SECISBP2: variants seen among roughly 807,000 people sequenced by gnomAD.
SECISBP2 encodes the protein selenocysteine insertion sequence-binding protein 2.
A neutral mutation model predicts 98.2 loss-of-function variants in SECISBP2; 96 were observed. That is an observed-to-expected ratio of 0.98 (90% CI 0.83 to 1.16). SECISBP2 has a LOEUF of 1.16. SECISBP2 is among the 50% of genes most tolerant of loss of function. SECISBP2 has a pLI of 0.00. For missense variants in SECISBP2, 1,046 were observed against 1,022.9 expected, an observed-to-expected ratio of 1.02 and a Z score of -0.31; for synonymous variants, 407 against 370.2, an observed-to-expected ratio of 1.10 and a Z score of -1.14.
intron 7 of SECISBP2, among the ~76,000 whole-genome samples, chr9:89,336,318 G>T (rs1319433519): frequency 2.6e-5 from 4 of 151,446 alleles, no homozygotes; most frequent in African/African-American, 9.7e-5. Flanking sequence ...TTACAGGCGT[G>T]AGCCACCACA....
chr9:89,354,929 A>G, intron 14 of SECISBP2: 1 of 984,986 alleles, frequency 1.0e-6, no homozygotes, highest in Non-Finnish European at 1.2e-6. Flanking sequence ...AATACGGAAC[A>G]CTCCACCCCA....
In SECISBP2 at chr9:89,348,152, A is replaced by G; in HGVS notation, c.1676A>G (p.Asp559Gly). ...ENAVSPAFTS[D>G]DTQDGESGGD... Reference sequence around the variant, plus strand: ...GCTGTGAGTCCAGCTTTTACCAGTGATGACACACAAGATGGAGAGAGTGGT... The same window carrying G: ...GCTGTGAGTCCAGCTTTTACCAGTGGTGACACACAAGATGGAGAGAGTGGT... Residue 559 changes from aspartate to glycine, a missense_variant, in exon 12 of 17, where the codon GAT becomes GGT. Transcript: ENST00000375807. 1 of 1,614,178 alleles carries G rather than the reference A, an allele frequency of 6.2e-7. No homozygotes were observed. The highest frequency in any genetic ancestry group is 8.5e-7 in the Non-Finnish European group (1 of 1,179,978).
chr9:89,337,288 A>G (rs1304079571), intron 7 of SECISBP2, among the ~76,000 whole-genome samples: 1 of 152,256 alleles, frequency 6.6e-6, no homozygotes, highest in Non-Finnish European at 1.5e-5. Flanking sequence ...TTCTAACCCA[A>G]ATAGCTTTGC....
intron 2 of SECISBP2, chr9:89,324,049 A>T (rs1026829066): frequency 1.3e-5 from 2 of 152,116 alleles, no homozygotes; most frequent in Non-Finnish European, 2.9e-5. Flanking sequence ...TTATCTATTT[A>T]TTGGACTTGG....
Position 89,350,815 on chromosome 9 carries a change from C to T in SECISBP2, c.2076C>T (p.Val692=), listed in dbSNP as rs1831165295. ...KHLKLKKLKC[V]IISPNCEKIQ... is the part of the protein sequence containing the mutation. ...TGAAGCTCAAAAAACTGAAATGTGT[C>T]ATTATTTCTCCCAACTGTGAGAAGA... is the stretch of plus-strand genomic sequence containing the variant. The change falls in exon 14 of 17, where the codon GTC becomes GTT. Residue 692 remains valine, a synonymous_variant. Transcript: ENST00000375807. 2 of 1,614,068 alleles carry T rather than the reference C, an allele frequency of 1.2e-6. No individual in the cohort carries two copies. Among genetic ancestry groups the T allele is most frequent in the African/African-American group, 1.3e-5 (1 of 74,942 alleles).
At chr9:89,343,824 T>C (rs1041206203) in intron 10 of SECISBP2, among the ~76,000 whole-genome samples, 2 of 152,258 alleles carry the variant, frequency 1.3e-5, no homozygotes, top group African/African-American at 2.4e-5. Flanking sequence ...GTCTTTATAG[T>C]AGAATGATTT....
chr9:89,330,754 G>T (rs1176061783), intron 5 of SECISBP2, among the ~76,000 whole-genome samples: 6 of 152,204 alleles, frequency 3.9e-5, no homozygotes, highest in Admixed American at 6.5e-5. Context: ...TTTGTGCGGT[G>T]GCTGAATAGC....
intron 2 of SECISBP2, among the ~76,000 whole-genome samples, chr9:89,320,456 A>G (rs1451991680): frequency 6.6e-6 from 1 of 151,906 alleles, no homozygotes. Flanking sequence ...ATGTGGAGGG[A>G]AGGGCAAAGA....
At chr9:89,357,001 G>A in intron 14 of SECISBP2, 2 of 320,144 alleles carry the variant, frequency 6.2e-6, no homozygotes, top group South Asian at 5.2e-5. Flanking sequence ...GTAGAGGGTG[G>A]TGAGCCCTCG....
chr9:89,324,387 C>T (rs549721738), intron 2 of SECISBP2: 4 of 152,274 alleles, frequency 2.6e-5, no homozygotes, highest in African/African-American at 9.6e-5. Flanking sequence ...CTTAGAAAAT[C>T]TAAGTTAACA....
intron 2 of SECISBP2, among the ~76,000 whole-genome samples, chr9:89,320,860 A>T (rs1825682799): frequency 1.3e-5 from 2 of 152,226 alleles, no homozygotes; most frequent in Non-Finnish European, 2.9e-5. Flanking sequence ...TTCTAATCTA[A>T]GAATCCTAAT....
At chr9:89,326,490 C>G (rs1050416643) in intron 4 of SECISBP2, among the ~76,000 whole-genome samples, 1 of 152,166 alleles carries the variant, frequency 6.6e-6, no homozygotes, top group African/African-American at 2.4e-5. Context: ...TAGTTTATTC[C>G]AGCAAACTGA....
chr9:89,359,853 C>T (rs938356867), downstream of SECISBP2, among the ~76,000 whole-genome samples: 2 of 152,152 alleles, frequency 1.3e-5, no homozygotes, highest in African/African-American at 4.8e-5. Context: ...GGAGCCAGAT[C>T]CTGGCTCAAT....
chr9:89,330,747 G>C (rs1447273883), intron 5 of SECISBP2, among the ~76,000 whole-genome samples: 2 of 152,232 alleles, frequency 1.3e-5, no homozygotes, highest in African/African-American at 4.8e-5. Context: ...GGCTGGGTTT[G>C]TGCGGTGGCT....
intron 14 of SECISBP2, chr9:89,354,796 G>T (rs866265679): frequency 1.0e-6 from 1 of 985,254 alleles, no homozygotes; most frequent in Non-Finnish European, 1.2e-6. Flanking sequence ...ATTCACTCCC[G>T]GGAGCTGGGG....
At chr9:89,362,438 C>CA (rs1188830516), downstream of SECISBP2, 1 of 1,613,896 alleles carries the variant, frequency 6.2e-7, no homozygotes, top group African/African-American at 1.3e-5. Flanking sequence ...CCTGAAAGAA[C>CA]AATGTGGTCT....
intron 4 of SECISBP2, among the ~76,000 whole-genome samples, chr9:89,326,650 T>C (rs1407153014): frequency 1.3e-5 from 2 of 152,210 alleles, no homozygotes; most frequent in East Asian, 3.9e-4. Context: ...TAGTCATGCC[T>C]CACTTACTGA....
chr9:89,325,085 G>A lies in SECISBP2; in HGVS notation c.183-342G>A, dbSNP rs979706888. 1.5e-5 allele frequency: 5 copies of A among 337,380 alleles called. No homozygotes were observed. In the Admixed American group the frequency reaches 2.4e-4, roughly 16 times the overall value. The allele number at this position is 337,380 out of a possible 1,614,324, so 20.9% of individuals were successfully genotyped here. On this transcript the variant is annotated intron_variant, in intron 2 of 16. Transcript: ENST00000375807. ...CAGGCTGTTGGGTCTCCCCGCAGCAGAGAGAATGGTCTTTAGGGGCATTTT... is the reference window on the plus strand; with the variant it reads ...CAGGCTGTTGGGTCTCCCCGCAGCAAAGAGAATGGTCTTTAGGGGCATTTT...
At position 89,323,407 on chromosome 9, in the gene SECISBP2, A is replaced by G. The variant is rs989735423; in HGVS notation, c.183-2020A>G. 2.0e-5 allele frequency: 3 copies of G among 152,708 alleles called. No individual in the cohort carries two copies. In the East Asian group the frequency reaches 5.8e-4, roughly 30 times the overall value. 9.5% of individuals were successfully genotyped at this position (152,708 alleles called of 1,614,324 possible). On this transcript the variant is annotated intron_variant, in intron 2 of 16. Transcript: ENST00000375807. ...GACTGCACTAGGGAAAGAGACAGAG[A>G]TAGAGCCTTGGAGGGCAGGTGAGAG... is the stretch of plus-strand genomic sequence containing the variant.
Sources: allele counts gnomAD v4.1 joint callset (sites outside exome capture counted in the v4.1 genomes callset), GRCh38; gene constraint gnomAD v4.1.1; transcripts MANE v1.5; gene names NCBI Gene and HGNC (gene_info 2026-07-23, HGNC 2026-07-21).